IQSEC1: variants seen among roughly 807,000 people sequenced by gnomAD.
IQSEC1 encodes the protein IQ motif and Sec7 domain ArfGEF 1.
IQSEC1 carries 31 observed loss-of-function variants against 91.0 expected under a neutral mutation model. That is an observed-to-expected ratio of 0.34 (90% CI 0.26 to 0.46). IQSEC1 has a LOEUF of 0.46. Ranked by LOEUF, IQSEC1 falls within the 20% of genes least tolerant of loss-of-function variation. The pLI, the probability that IQSEC1 is intolerant of heterozygous loss-of-function variation, is 1.00. For missense variants in IQSEC1, 1,388 were observed against 1,575.6 expected, an observed-to-expected ratio of 0.88 and a Z score of 2.02; for synonymous variants, 699 against 662.6, an observed-to-expected ratio of 1.05 and a Z score of -0.84.
chr3:13,069,958 C>T (rs1052804590), intron 1 of IQSEC1, among the ~76,000 whole-genome samples: 12 of 152,184 alleles, frequency 7.9e-5, no homozygotes, highest in Admixed American at 7.9e-4. Flanking sequence ...TCCTTTATCC[C>T]ATCCAGTGTG....
chr3:12,943,127 G>A (rs1174862994), intron 1 of IQSEC1, among the ~76,000 whole-genome samples: 1 of 152,214 alleles, frequency 6.6e-6, no homozygotes. Flanking sequence ...AGGAGACTGA[G>A]GCCTACAGGG....
chr3:13,225,564 T>C (rs1258976155), intron 1 of IQSEC1, among the ~76,000 whole-genome samples: 1 of 152,146 alleles, frequency 6.6e-6, no homozygotes, highest in Non-Finnish European at 1.5e-5. Flanking sequence ...AGTCACCCAT[T>C]CAACAAATAT....
rs746682733 is a variant in IQSEC1, at chr3:12,922,615, G to A, written c.1731-373C>T. 2.0e-5 allele frequency among the ~76,000 whole-genome samples: 3 copies of A among 152,202 alleles called. No homozygotes were observed. Among genetic ancestry groups the A allele is most frequent in the South Asian group, 2.1e-4 (1 of 4,838 alleles). ...CTGTGAGTCTCCTCTCCTTCTGCAC[G>A]GGGTTGGGGAGTTTGCTGCCATTTT... On this transcript the variant is annotated intron_variant, in intron 4 of 13. Transcript: ENST00000613206. This position sits in a 1 kb window ranked among gnomAD's most constrained non-coding sequence, Gnocchi z 5.1.
intron 2 of IQSEC1, among the ~76,000 whole-genome samples, chr3:13,156,099 G>C (rs1707082204): frequency 6.6e-6 from 1 of 151,398 alleles, no homozygotes; most frequent in South Asian, 2.1e-4. Flanking sequence ...GGGCATGGTG[G>C]TGCACACCTG....
Position 13,071,383 on chromosome 3 carries a change from G to A in IQSEC1, c.23+1609C>T, listed in dbSNP as rs534538269. Among the ~76,000 whole-genome samples the A allele has an allele frequency of 9.5e-4, 144 of 152,082 alleles. 2 individuals are homozygous for A. The highest frequency in any genetic ancestry group is 9.3e-4 in the Non-Finnish European group (63 of 67,984). ...AAGCAGGCACTGGGCCAAGTAATCTGAATATGAATTGTCACATTTCATCCT... is the reference window on the plus strand; with the variant it reads ...AAGCAGGCACTGGGCCAAGTAATCTAAATATGAATTGTCACATTTCATCCT... On this transcript the variant is annotated intron_variant, in intron 1 of 13. Coordinates refer to ENST00000613206, the MANE Select transcript of IQSEC1 (RefSeq NM_001134382.3).
intron 1 of IQSEC1, among the ~76,000 whole-genome samples, chr3:13,223,496 C>T (rs1319081902): frequency 1.3e-5 from 2 of 152,176 alleles, no homozygotes; most frequent in African/African-American, 4.8e-5. Flanking sequence ...AGGCAGAACT[C>T]CTTGGGGATG....
chr3:12,928,289 G>A (rs1697340536), intron 3 of IQSEC1, among the ~76,000 whole-genome samples: 1 of 152,226 alleles, frequency 6.6e-6, no homozygotes, highest in African/African-American at 2.4e-5. Flanking sequence ...GTGAGTCCAG[G>A]ATGGCGTCAG....
At chr3:13,031,906 C>T (rs1450876639) in intron 1 of IQSEC1, among the ~76,000 whole-genome samples, 1 of 151,952 alleles carries the variant, frequency 6.6e-6, no homozygotes, top group Non-Finnish European at 1.5e-5. Flanking sequence ...TTCATGAGCC[C>T]CTGCAGCCAG....
chr3:12,925,131 C>T (rs938703863), intron 3 of IQSEC1, among the ~76,000 whole-genome samples: 3 of 152,160 alleles, frequency 2.0e-5, no homozygotes, highest in African/African-American at 7.2e-5. Context: ...TCTCGGCTGC[C>T]GGGCACTGGC....
chr3:13,058,870 G>A (rs896023776), intron 1 of IQSEC1, among the ~76,000 whole-genome samples: 19 of 152,174 alleles, frequency 1.2e-4, no homozygotes, highest in African/African-American at 4.6e-4. Context: ...GCAGCAGGGC[G>A]GCAGGCCTTG....
At chr3:13,092,087 G>GCGGGGTCAATTGCCCTGCA (rs1409057339) in intron 2 of IQSEC1, among the ~76,000 whole-genome samples, 1 of 152,124 alleles carries the variant, frequency 6.6e-6, no homozygotes, top group East Asian at 1.9e-4. Flanking sequence ...CCTGCACTGC[G>GCGGGGTCAATTGCCCTGCA]CGGGGTCAAT....
At chr3:12,999,511 G>A (rs2125656832) in intron 1 of IQSEC1, among the ~76,000 whole-genome samples, 1 of 152,338 alleles carries the variant, frequency 6.6e-6, no homozygotes, top group Middle Eastern at 3.4e-3. Context: ...TTGGAGGTCA[G>A]TCCTGTGGTG....
chr3:13,228,732 C>A lies in IQSEC1; in HGVS notation c.272+53979G>T, dbSNP rs75048349. ...CCCTCTGTGCTCCAACCTTGCTGACCTCTTAGCTCTCTAAACAAGAAAACT... is the reference window on the plus strand; with the variant it reads ...CCCTCTGTGCTCCAACCTTGCTGACATCTTAGCTCTCTAAACAAGAAAACT... On this transcript the variant is annotated intron_variant, in intron 1 of 15. Coordinates refer to the IQSEC1 transcript ENST00000648114. Among the ~76,000 whole-genome samples, 409 of 152,318 alleles carry A rather than the reference C, an allele frequency of 2.7e-3. 12 individuals carry two copies. In the East Asian group the frequency reaches 0.035, roughly 13 times the overall value.
intron 2 of IQSEC1, among the ~76,000 whole-genome samples, chr3:13,150,407 T>A (rs923679645): frequency 6.6e-6 from 1 of 152,328 alleles, no homozygotes; most frequent in Non-Finnish European, 1.5e-5. Flanking sequence ...TTTAAACTTG[T>A]CAGCTTAGCA....
chr3:13,069,739 C>T (rs955813023), intron 1 of IQSEC1, among the ~76,000 whole-genome samples: 2 of 152,190 alleles, frequency 1.3e-5, no homozygotes, highest in Non-Finnish European at 2.9e-5. Context: ...GTGACATGCC[C>T]ATGAGGACAG....
At chr3:13,206,930 G>A (rs1406548449) in intron 1 of IQSEC1, among the ~76,000 whole-genome samples, 1 of 152,040 alleles carries the variant, frequency 6.6e-6, no homozygotes, top group African/African-American at 2.4e-5. Context: ...GGAGAAGGTG[G>A]GCCCCGAAGC....
chr3:13,191,246 C>T (rs1694024506), intron 1 of IQSEC1, among the ~76,000 whole-genome samples: 2 of 152,220 alleles, frequency 1.3e-5, no homozygotes, highest in Non-Finnish European at 2.9e-5. Context: ...TCTGCATCCT[C>T]GCTGGGCTGT....
rs576481057 is a variant in IQSEC1, at chr3:13,047,019, GGAAGCAGA to G, written c.23+25965_23+25972del. On this transcript the variant is annotated intron_variant, in intron 1 of 13. Coordinates refer to ENST00000613206, the MANE Select transcript of IQSEC1 (RefSeq NM_001134382.3). ...GAAGACATCAAGATACAAAGCACAC[GGAAGCAGA>G]GACCCTCAGACACCCCAGCTCCCAC... is the stretch of plus-strand genomic sequence containing the variant. 2.9e-3 allele frequency among the ~76,000 whole-genome samples: 449 copies of G among 152,302 alleles called. 1 individual carries two copies. The highest frequency in any genetic ancestry group is 0.01 in the African/African-American group (425 of 41,566).
At chr3:12,954,863 G>A (rs1270146132) in intron 1 of IQSEC1, among the ~76,000 whole-genome samples, 2 of 152,204 alleles carry the variant, frequency 1.3e-5, no homozygotes, top group African/African-American at 4.8e-5. Flanking sequence ...AGGATGCCCC[G>A]CAGTCAGGAT....
Sources: allele counts gnomAD v4.1 joint callset (sites outside exome capture counted in the v4.1 genomes callset), GRCh38; gene constraint gnomAD v4.1.1; non-coding constraint Gnocchi (gnomAD v3.1); transcripts MANE v1.5; gene names NCBI Gene and HGNC (gene_info 2026-07-23, HGNC 2026-07-21).